Variants in MAF observed in about 807,000 individuals in gnomAD.
MAF encodes MAF bZIP transcription factor.
A neutral mutation model predicts 22.0 loss-of-function variants in MAF; 10 were observed. The observed-to-expected ratio is 0.45, with a 90% CI of 0.28 to 0.77. MAF has a LOEUF of 0.77. Ranked by LOEUF, MAF falls within the 30% of genes least tolerant of loss-of-function variation. MAF has a pLI of 0.12. For missense variants in MAF, 544 were observed against 548.4 expected (o/e 0.99, Z 0.08); for synonymous variants, 337 against 255.8 (o/e 1.32, Z -3.03).
chr16:79,529,689 G>A, the MAF span, among the ~76,000 whole-genome samples: 65 of 152,294 alleles, frequency 4.3e-4, no homozygotes, highest in African/African-American at 1.4e-3. Flanking sequence ...GGCTGGGCGC[G>A]GTGGCTCACG....
the MAF span, among the ~76,000 whole-genome samples, chr16:79,309,982 C>T: frequency 6.6e-6 from 1 of 152,242 alleles, no homozygotes; most frequent in Admixed American, 6.5e-5. Flanking sequence ...TAACTTACAC[C>T]GTGGCTTAAA....
chr16:79,539,028 A>C, the MAF span, among the ~76,000 whole-genome samples: 1 of 152,196 alleles, frequency 6.6e-6, no homozygotes, highest in Admixed American at 6.5e-5. Flanking sequence ...AATACAGAAA[A>C]ATGTTCAAGA....
chr16:79,265,314 C>G, the MAF span, among the ~76,000 whole-genome samples: 1 of 152,032 alleles, frequency 6.6e-6, no homozygotes, highest in Non-Finnish European at 1.5e-5. Flanking sequence ...CATAAATCAG[C>G]CCTCTCTCTG....
the MAF span, among the ~76,000 whole-genome samples, chr16:79,242,820 C>T: frequency 6.6e-6 from 1 of 151,998 alleles, no homozygotes; most frequent in Non-Finnish European, 1.5e-5. Context: ...CACTCCTCAG[C>T]AAATGCAAAA....
chr16:79,597,957 C>T (rs748148134), intron 1 of MAF: 1 of 1,043,520 alleles, frequency 9.6e-7, no homozygotes, highest in Non-Finnish European at 1.2e-6. Context: ...CATCACAAGG[C>T]CAAAACTCAC....
chr16:79,310,676 C>T, the MAF span, among the ~76,000 whole-genome samples: 15 of 152,192 alleles, frequency 9.9e-5, no homozygotes, highest in African/African-American at 3.4e-4. Flanking sequence ...TTGTTGGGGG[C>T]TCGCCTTGGT....
intron 1 of MAF, among the ~76,000 whole-genome samples, chr16:79,588,206 C>G (rs889427451): frequency 6.6e-6 from 1 of 152,182 alleles, no homozygotes; most frequent in African/African-American, 2.4e-5. Flanking sequence ...GGATCGCAAC[C>G]TGAAAACGTG....
intron 1 of MAF, chr16:79,598,292 C>A (rs1482052575): frequency 2.1e-6 from 2 of 970,634 alleles, no homozygotes; most frequent in East Asian, 5.6e-5. Context: ...CAAAATAAAA[C>A]ACACACACAC....
chr16:79,208,359 C>G, the MAF span, among the ~76,000 whole-genome samples: 1 of 147,082 alleles, frequency 6.8e-6, no homozygotes, highest in African/African-American at 2.5e-5. Flanking sequence ...AACCTACAGG[C>G]TTCTGATAAA....
At chr16:79,506,183 G>A in the MAF span, among the ~76,000 whole-genome samples, 3 of 152,168 alleles carry the variant, frequency 2.0e-5, no homozygotes, top group Non-Finnish European at 4.4e-5. Flanking sequence ...AAAATCAACT[G>A]AATATTTACT....
chr16:79,440,648 T>C, the MAF span, among the ~76,000 whole-genome samples: 1 of 152,170 alleles, frequency 6.6e-6, no homozygotes, highest in Non-Finnish European at 1.5e-5. Context: ...GTTGACCTCG[T>C]GATCCACCCG....
chr16:79,596,544 A>G (rs565641729), intron 1 of MAF: 1 of 1,049,562 alleles, frequency 9.5e-7, no homozygotes, highest in East Asian at 5.6e-5. Context: ...ATTGAAAATG[A>G]AAGAAAAGCA....
At chr16:79,327,711 T>A in the MAF span, among the ~76,000 whole-genome samples, 98 of 152,336 alleles carry the variant, frequency 6.4e-4, 1 homozygote, top group African/African-American at 2.0e-3. Flanking sequence ...CCTCGTACTG[T>A]CGCAGGGACT....
the MAF span, among the ~76,000 whole-genome samples, chr16:79,479,468 T>C: frequency 6.6e-6 from 1 of 152,204 alleles, no homozygotes; most frequent in Non-Finnish European, 1.5e-5. Flanking sequence ...AGTAGTTCAT[T>C]TCTGTGGTTC....
the MAF span, among the ~76,000 whole-genome samples, chr16:79,260,695 G>A: frequency 1.3e-5 from 2 of 152,186 alleles, no homozygotes; most frequent in African/African-American, 2.4e-5. Flanking sequence ...AAGCATCGGT[G>A]CCTGATAGTC....
the MAF span, among the ~76,000 whole-genome samples, chr16:79,429,817 G>A: frequency 6.6e-6 from 1 of 152,216 alleles, no homozygotes; most frequent in African/African-American, 2.4e-5. Context: ...GCCTGGTGCT[G>A]TGGTGTACGC....
At chr16:79,597,758 A>T (rs1308152885) in intron 1 of MAF, 1 of 1,021,476 alleles carries the variant, frequency 9.8e-7, no homozygotes, top group Non-Finnish European at 1.2e-6. Flanking sequence ...AAAGGAAAAA[A>T]AAAGGAAAAA....
the MAF span, among the ~76,000 whole-genome samples, chr16:79,342,392 C>G: frequency 2.0e-5 from 3 of 152,218 alleles, no homozygotes; most frequent in African/African-American, 7.2e-5. Flanking sequence ...CAGCATGAGG[C>G]AGTTAAAGGG....
At chr16:79,258,954 T>G in the MAF span, among the ~76,000 whole-genome samples, 1 of 152,124 alleles carries the variant, frequency 6.6e-6, no homozygotes, top group Non-Finnish European at 1.5e-5. Flanking sequence ...CTCCATTTAT[T>G]GGAGGGTCCC....
Sources: gnomAD v4.1 joint callset for allele counts (sites outside exome capture counted in the v4.1 genomes callset) on GRCh38, gnomAD v4.1.1 for gene constraint, MANE v1.5 for transcripts, NCBI Gene and HGNC (gene_info 2026-07-23, HGNC 2026-07-21) for gene names.